Variants in NOTCH2 observed in about 807,000 individuals in gnomAD.
NOTCH2 encodes the protein notch receptor 2, also known as neurogenic locus notch homolog protein 2.
In NOTCH2, 29 loss-of-function variants were observed where a neutral mutation model predicts 235.8. That is an observed-to-expected ratio of 0.12 (90% CI 0.09 to 0.17). The LOEUF is 0.17. NOTCH2 is among the 10% of genes least tolerant of loss of function. NOTCH2 has a pLI of 1.00. For missense variants in NOTCH2, 2,285 were observed against 3,150.2 expected (o/e 0.73, Z 6.57); for synonymous variants, 1,086 against 1,141.5 (o/e 0.95, Z 0.98).
intron 5 of NOTCH2, among the ~76,000 whole-genome samples, chr1:119,970,296 G>A (rs933984373): frequency 5.3e-5 from 8 of 152,126 alleles, no homozygotes; most frequent in Non-Finnish European, 1.0e-4. Context: ...AAAACTACAA[G>A]TATCTGAAAA....
At position 120,022,870 on chromosome 1, in the gene NOTCH2, C is replaced by T. The variant is rs1653681849; in HGVS notation, c.155+7036G>A. On this transcript the variant is annotated intron_variant, in intron 2 of 33. Coordinates refer to ENST00000256646, the MANE Select transcript of NOTCH2 (RefSeq NM_024408.4). ...AGGTAATTCTGTCCCATTTTATTGA[C>T]AGGCAAACTGAGACTCAAGGTGACA... Among the ~76,000 whole-genome samples the T allele has an allele frequency of 2.0e-5, 3 of 151,852 alleles. No individual in the cohort carries two copies. In the South Asian group the frequency reaches 6.3e-4, roughly 32 times the overall value.
At position 119,912,428 on chromosome 1, in the gene NOTCH2, C is replaced by A. The variant is rs1179776080; in HGVS notation, c.*2878G>T. The A allele has an allele frequency of 8.6e-6, 2 of 233,160 alleles. No individual in the cohort carries two copies. The highest frequency in any genetic ancestry group is 5.6e-5 in the Admixed American group (1 of 17,766). The allele number at this position is 233,160 out of a possible 1,614,324, so 14.4% of individuals were successfully genotyped here. On this transcript the variant is annotated 3_prime_UTR_variant, in exon 34 of 34. Coordinates refer to ENST00000256646, the MANE Select transcript of NOTCH2 (RefSeq NM_024408.4). Reference sequence around the variant, plus strand: ...TTATTATGCAAAAATTACAAATTGGCAAATTCAATAAGAGGATGCAATGGA... The same window carrying A: ...TTATTATGCAAAAATTACAAATTGGAAAATTCAATAAGAGGATGCAATGGA...
chr1:119,937,511 C>G, intron 20 of NOTCH2, 45 bp from the exon 21 acceptor site: 9 of 1,568,946 alleles, frequency 5.7e-6, no homozygotes, highest in Non-Finnish European at 7.8e-6. Context: ...GAACATGTGA[C>G]ACATGGGGTT....
chr1:119,950,482 A>T (rs1553197591), intron 15 of NOTCH2: 1 of 647,888 alleles, frequency 1.5e-6, no homozygotes, highest in African/African-American at 1.8e-5. Context: ...TACAATTAAA[A>T]AAAAATTTCT....
At chr1:119,998,102 C>T (rs587663748) in intron 3 of NOTCH2, among the ~76,000 whole-genome samples, 16 of 143,766 alleles carry the variant, frequency 1.1e-4, no homozygotes, top group African/African-American at 2.9e-4. Context: ...CATACATGTG[C>T]GCAAACACAG....
intron 5 of NOTCH2, among the ~76,000 whole-genome samples, chr1:119,985,856 C>A (rs994720948): frequency 1.3e-5 from 2 of 150,982 alleles, no homozygotes; most frequent in Admixed American, 1.3e-4. Flanking sequence ...GATCAAGACA[C>A]CATGAAGAAA....
At chr1:119,959,846 C>T (rs928924905) in intron 11 of NOTCH2, among the ~76,000 whole-genome samples, 1 of 152,174 alleles carries the variant, frequency 6.6e-6, no homozygotes, top group Admixed American at 6.5e-5. Context: ...CCTCCACATG[C>T]CACAGTTAAA....
intron 11 of NOTCH2, among the ~76,000 whole-genome samples, chr1:119,961,966 C>T (rs1243662888): frequency 6.6e-6 from 1 of 152,166 alleles, no homozygotes; most frequent in Non-Finnish European, 1.5e-5. Context: ...CTGATACATG[C>T]CAGGTCTTTC....
chr1:119,916,205 G>A lies in NOTCH2; in HGVS notation c.6517C>T (p.Pro2173Ser). ...DTTSSPMITS[P>S]GILQASPNPM... The stretch of plus-strand genomic sequence containing the variant: ...TTGGGTGAGGCCTGTAAGATCCCAG[G>A]GGATGTAATCATTGGAGAGGATGTG... Residue 2173 changes from proline to serine, a missense_variant, in exon 34 of 34, where the codon CCT (proline) becomes TCT (serine). Physicochemically the swap from Pro to Ser is moderately conservative, Grantham distance 74 (BLOSUM62 -1). This residue lies in a region of NOTCH2 where 504 missense variants were observed against 538.0 expected (regional missense o/e 0.94). Transcript: ENST00000256646. 6.2e-7 allele frequency: 1 copy of A among 1,614,208 alleles called. No individual in the cohort carries two copies. The highest frequency in any genetic ancestry group is 8.5e-7 in the Non-Finnish European group (1 of 1,180,038).
Position 119,915,158 on chromosome 1 carries a change from T to G in NOTCH2, c.*148A>C. ...AGTGAAACTGACGAATTGCTTCTCT[T>G]GCATTATCTGAATAAGAACATCTTC... On this transcript the variant is annotated 3_prime_UTR_variant, in exon 34 of 34. Coordinates refer to ENST00000256646, the MANE Select transcript of NOTCH2 (RefSeq NM_024408.4). The G allele has an allele frequency of 1.2e-6, 1 of 812,592 alleles. No individual in the cohort carries two copies. The highest frequency in any genetic ancestry group is 1.5e-5 in the South Asian group (1 of 66,968). 50.3% of individuals were successfully genotyped at this position (812,592 alleles called of 1,614,324 possible).
intron 3 of NOTCH2, among the ~76,000 whole-genome samples, chr1:119,999,961 A>C: frequency 7.7e-6 from 1 of 129,904 alleles, no homozygotes; most frequent in Admixed American, 7.4e-5. Context: ...GAAAGAAAGA[A>C]AGAAAGAAAG....
At chr1:119,931,961 T>C (rs1343722114) in intron 22 of NOTCH2, among the ~76,000 whole-genome samples, 1 of 147,960 alleles carries the variant, frequency 6.8e-6, no homozygotes, top group African/African-American at 2.5e-5. Context: ...AACAACTTAA[T>C]GTGGGAAAAA....
At chr1:119,962,426 T>G (rs1302965655) in intron 11 of NOTCH2, among the ~76,000 whole-genome samples, 1 of 152,216 alleles carries the variant, frequency 6.6e-6, no homozygotes, top group East Asian at 1.9e-4. Flanking sequence ...CACAAAGATC[T>G]ATTCAGCCCT....
intron 16 of NOTCH2, among the ~76,000 whole-genome samples, 162 bp downstream of exon 16, chr1:119,948,845 T>TA (rs1236918049): frequency 6.6e-5 from 10 of 152,286 alleles, no homozygotes; most frequent in African/African-American, 2.4e-4. Flanking sequence ...AAAGGCTTTC[T>TA]AAGCCATTTC....
At chr1:120,041,986 G>T (rs1654591783) in intron 1 of NOTCH2, among the ~76,000 whole-genome samples, 2 of 146,894 alleles carry the variant, frequency 1.4e-5, no homozygotes, top group South Asian at 2.2e-4. Context: ...GAAAGAAAAG[G>T]GAAAGAGAGA....
rs1252304429 is a variant in NOTCH2, at chr1:119,913,874, T to A, written c.*1432A>T. 1 of 232,960 alleles carries A rather than the reference T, an allele frequency of 4.3e-6. No individual in the cohort carries two copies. The highest frequency in any genetic ancestry group is 8.5e-6 in the Non-Finnish European group (1 of 117,968). 14.4% of individuals were successfully genotyped at this position (232,960 alleles called of 1,614,324 possible). ...ATAGTTCCTCCTTTTCCAACCTTCT[T>A]ATAGGGCTGTTTTGGATCATAGAAA... On this transcript the variant is annotated 3_prime_UTR_variant, in exon 34 of 34. Transcript: ENST00000256646.
Position 119,916,037 on chromosome 1 carries a change from G to A in NOTCH2, c.6685C>T (p.His2229Tyr), listed in dbSNP as rs1557802029. The change falls in exon 34 of 34, where the codon CAC becomes TAC. Residue 2229 changes from histidine to tyrosine, a missense_variant. Physicochemically the swap from His to Tyr is moderately conservative, Grantham distance 83. Coordinates refer to ENST00000256646, the MANE Select transcript of NOTCH2 (RefSeq NM_024408.4). ...PSVSQLLSHH[H>Y]IVSPGSGSAG... ...CTGCCACTGCCTGGAGACACAATGT[G>A]GTGGTGGGATAGCAACTGGCTCACT... 1.9e-6 allele frequency: 3 copies of A among 1,613,778 alleles called. No individual in the cohort carries two copies. Among genetic ancestry groups the A allele is most frequent in the Non-Finnish European group, 2.5e-6 (3 of 1,180,022 alleles).
chr1:119,989,327 T>C, intron 4 of NOTCH2, among the ~76,000 whole-genome samples: 1 of 152,036 alleles, frequency 6.6e-6, no homozygotes, highest in Non-Finnish European at 1.5e-5. Context: ...TCCTCGCACA[T>C]AAAAATTAAC....
At chr1:119,951,966 G>A (rs1650491699) in intron 14 of NOTCH2, among the ~76,000 whole-genome samples, 1 of 152,144 alleles carries the variant, frequency 6.6e-6, no homozygotes, top group African/African-American at 2.4e-5. Flanking sequence ...CAATATATCA[G>A]AAAATTAATG....
Sources: allele counts gnomAD v4.1 joint callset (sites outside exome capture counted in the v4.1 genomes callset), GRCh38; gene constraint gnomAD v4.1.1; regional missense constraint gnomAD v4.1.1; transcripts MANE v1.5; gene names NCBI Gene and HGNC (gene_info 2026-07-23, HGNC 2026-07-21).